Variants in CNTNAP5 observed in about 807,000 individuals in gnomAD.
CNTNAP5 encodes contactin-associated protein-like 5.
Under a neutral mutation model 150.2 loss-of-function variants are expected in CNTNAP5, and 72 were observed. That is an observed-to-expected ratio of 0.48 (90% CI 0.40 to 0.58). The LOEUF is 0.58. Ranked by LOEUF, CNTNAP5 falls within the 20% of genes least tolerant of loss-of-function variation. CNTNAP5 has a pLI of 0.00. For synonymous variants in CNTNAP5, 672 were observed against 619.8 expected, an observed-to-expected ratio of 1.08 and a Z score of -1.25; for missense variants, 1,636 against 1,626.2, an observed-to-expected ratio of 1.01 and a Z score of -0.10.
intron 3 of CNTNAP5, among the ~76,000 whole-genome samples, chr2:124,251,467 CTTT>C (rs11311025): frequency 1.9e-4 from 27 of 143,014 alleles, no homozygotes; most frequent in Non-Finnish European, 2.1e-4. Context: ...GCTGTGGGTG[CTTT>C]TTTTTTTTTT....
intron 13 of CNTNAP5, among the ~76,000 whole-genome samples, chr2:124,724,293 AT>A (rs1312062018): frequency 6.6e-6 from 1 of 152,108 alleles, no homozygotes; most frequent in Non-Finnish European, 1.5e-5. Context: ...ATTATAAAGA[AT>A]ACTGCAAAGG....
At chr2:124,460,805 C>G (rs1426271392) in intron 6 of CNTNAP5, among the ~76,000 whole-genome samples, 1 of 152,146 alleles carries the variant, frequency 6.6e-6, no homozygotes, top group East Asian at 1.9e-4. Flanking sequence ...GATTTGAAAA[C>G]TGGCCAGACA....
At chr2:124,481,150 G>T (rs180899588) in intron 7 of CNTNAP5, among the ~76,000 whole-genome samples, 1 of 152,302 alleles carries the variant, frequency 6.6e-6, no homozygotes, top group East Asian at 1.9e-4. Flanking sequence ...AGACCTCACA[G>T]TTCTCCCTGT....
intron 3 of CNTNAP5, among the ~76,000 whole-genome samples, chr2:124,396,921 A>G (rs1478177870): frequency 6.6e-6 from 1 of 152,196 alleles, no homozygotes; most frequent in Admixed American, 6.5e-5. Flanking sequence ...AACTATGACA[A>G]TCTGTGCAGA....
chr2:124,669,789 G>T (rs11123057), intron 13 of CNTNAP5, among the ~76,000 whole-genome samples: 1 of 151,960 alleles, frequency 6.6e-6, no homozygotes, highest in Non-Finnish European at 1.5e-5. Context: ...CATACTTTCT[G>T]ATAAAAACGT....
At chr2:124,624,255 C>G (rs1456673550) in intron 12 of CNTNAP5, among the ~76,000 whole-genome samples, 2 of 152,202 alleles carry the variant, frequency 1.3e-5, no homozygotes, top group Non-Finnish European at 2.9e-5. Flanking sequence ...AGAATTTTAA[C>G]AGGCACTTAG....
At chr2:124,869,633 C>T in intron 20 of CNTNAP5, 42 bp from the exon 21 acceptor site, 7 of 1,315,182 alleles carry the variant, frequency 5.3e-6, no homozygotes, top group Non-Finnish European at 7.7e-6. Context: ...TTCTTACCTG[C>T]AGACCTCTGC....
intron 3 of CNTNAP5, among the ~76,000 whole-genome samples, chr2:124,365,647 G>T (rs1291705508): frequency 6.6e-5 from 10 of 152,226 alleles, no homozygotes. Flanking sequence ...TTGAGATCCA[G>T]CTTTACTACC....
At chr2:124,629,257 A>G (rs1677795430) in intron 12 of CNTNAP5, among the ~76,000 whole-genome samples, 1 of 152,154 alleles carries the variant, frequency 6.6e-6, no homozygotes, top group Admixed American at 6.6e-5. Flanking sequence ...CAGAATATAC[A>G]TTTTTTCCTG....
At chr2:124,896,839 A>G (rs1282185589) in intron 21 of CNTNAP5, among the ~76,000 whole-genome samples, 1 of 151,566 alleles carries the variant, frequency 6.6e-6, no homozygotes, top group Admixed American at 6.6e-5. Flanking sequence ...GCACCTGGCT[A>G]AGAATATGGA....
chr2:124,745,416 T>C (rs1260207919), intron 13 of CNTNAP5, among the ~76,000 whole-genome samples: 1 of 152,080 alleles, frequency 6.6e-6, no homozygotes, highest in African/African-American at 2.4e-5. Flanking sequence ...TGTATTCAAA[T>C]ACAAAATGCT....
At chr2:124,066,182 GAGAC>G (rs1682147533) in intron 1 of CNTNAP5, among the ~76,000 whole-genome samples, 1 of 150,882 alleles carries the variant, frequency 6.6e-6, no homozygotes, top group Non-Finnish European at 1.5e-5. Flanking sequence ...CCACCTGAGA[GAGAC>G]AGTTTTTTTC....
chr2:124,721,522 T>C (rs1479133969), intron 13 of CNTNAP5, among the ~76,000 whole-genome samples: 1 of 149,814 alleles, frequency 6.7e-6, no homozygotes, highest in African/African-American at 2.5e-5. Context: ...CATAAATAAA[T>C]ATTAAAAAAA....
chr2:124,054,995 G>C lies in CNTNAP5; in HGVS notation c.82+29263G>C, dbSNP rs191253399. 2.6e-4 allele frequency among the ~76,000 whole-genome samples: 39 copies of C among 152,244 alleles called. No individual in the cohort carries two copies. The East Asian group carries it at 7.6e-3, about 29-fold the overall frequency. On this transcript the variant is annotated intron_variant, in intron 1 of 23. Transcript: ENST00000682447. ...AGTTTTGAACTGGAGCCAAATGGGTGGGAGTCTGGGCTCTCACCCCTCTGC... is the reference window on the plus strand; with the variant it reads ...AGTTTTGAACTGGAGCCAAATGGGTCGGAGTCTGGGCTCTCACCCCTCTGC...
At chr2:124,368,256 G>T (rs1690425956) in intron 3 of CNTNAP5, among the ~76,000 whole-genome samples, 1 of 152,148 alleles carries the variant, frequency 6.6e-6, no homozygotes, top group African/African-American at 2.4e-5. Context: ...GCTTGATTCT[G>T]TAAGGAGATA....
chr2:124,648,154 C>T (rs1458936237), intron 13 of CNTNAP5, among the ~76,000 whole-genome samples, 196 bp downstream of exon 13: 1 of 152,168 alleles, frequency 6.6e-6, no homozygotes, highest in Non-Finnish European at 1.5e-5. Context: ...AGAGTGAGTT[C>T]TGTCACCTTT....
rs529865775 is a variant in CNTNAP5, at chr2:124,242,049, G to T, written c.188-151G>T. 1.1e-5 allele frequency: 7 copies of T among 609,906 alleles called. No individual in the cohort carries two copies. In the South Asian group the frequency reaches 1.5e-4, roughly 13 times the overall value. 37.8% of individuals were successfully genotyped at this position (609,906 alleles called of 1,614,324 possible). ...GAGGTGGAGAATGGAAAGTACCAGG[G>T]GGTTAAGTACAGAGGCAGGGAAGAG... is the stretch of plus-strand genomic sequence containing the variant. On this transcript the variant is annotated intron_variant, in intron 2 of 23. Coordinates refer to ENST00000682447, the MANE Select transcript of CNTNAP5 (RefSeq NM_001367498.1).
At chr2:124,840,674 T>C (rs1573653017) in intron 19 of CNTNAP5, among the ~76,000 whole-genome samples, 4 of 152,140 alleles carry the variant, frequency 2.6e-5, no homozygotes, top group Admixed American at 2.6e-4. Flanking sequence ...GATTCTCTGC[T>C]TATGTCTTGA....
Position 124,658,186 on chromosome 2 carries a change from G to A in CNTNAP5, c.2077+10228G>A, listed in dbSNP as rs569603094. On this transcript the variant is annotated intron_variant, in intron 13 of 23. Coordinates refer to ENST00000682447, the MANE Select transcript of CNTNAP5 (RefSeq NM_001367498.1). Reference sequence around the variant, plus strand: ...AACACACGTGCACTTGGCCAAGCCTGTCACACAGACCCTGGTGGGAGGAGA... The same window carrying A: ...AACACACGTGCACTTGGCCAAGCCTATCACACAGACCCTGGTGGGAGGAGA... Among the ~76,000 whole-genome samples, 9 of 152,308 alleles carry A rather than the reference G, an allele frequency of 5.9e-5. No individual in the cohort carries two copies. The South Asian group carries it at 1.9e-3, about 32-fold the overall frequency.
Sources: allele counts gnomAD v4.1 joint callset (sites outside exome capture counted in the v4.1 genomes callset), GRCh38; gene constraint gnomAD v4.1.1; transcripts MANE v1.5; gene names NCBI Gene and HGNC (gene_info 2026-07-23, HGNC 2026-07-21).